Variants in CDH23 observed in about 807,000 individuals in gnomAD.
The protein encoded by CDH23 is cadherin-23.
CDH23 carries 189 observed loss-of-function variants against 317.1 expected under a neutral mutation model. The observed-to-expected ratio is 0.60, with a 90% CI of 0.53 to 0.67. The LOEUF is 0.67. Among genes scored for constraint, CDH23 ranks in the 30% least tolerant of loss-of-function variants. The probability of loss-of-function intolerance (pLI) is 0.00; values close to 1 mark genes in which losing one functional copy is unlikely to be tolerated. For synonymous variants in CDH23, 1,839 were observed against 1,876.8 expected (o/e 0.98, Z 0.52); for missense variants, 4,401 against 4,592.4 (o/e 0.96, Z 1.20).
chr10:71,582,343 C>A (rs922668560), intron 9 of CDH23, among the ~76,000 whole-genome samples: 2 of 151,968 alleles, frequency 1.3e-5, no homozygotes, highest in Non-Finnish European at 1.5e-5. Context: ...ATTTTGAAGA[C>A]CTAGTGTGCA....
At chr10:71,605,845 G>C (rs899510771) in intron 9 of CDH23, among the ~76,000 whole-genome samples, 12 of 152,124 alleles carry the variant, frequency 7.9e-5, no homozygotes, top group African/African-American at 2.9e-4. Flanking sequence ...TGCATTTATG[G>C]GCACATTCAT....
intron 9 of CDH23, among the ~76,000 whole-genome samples, chr10:71,604,413 G>A (rs963095620): frequency 1.4e-4 from 21 of 152,296 alleles, no homozygotes; most frequent in African/African-American, 4.6e-4. Flanking sequence ...GCCACGCAGC[G>A]GGCCCACAAG....
At chr10:71,665,068 G>C (rs1863830411) in intron 14 of CDH23, among the ~76,000 whole-genome samples, 2 of 152,132 alleles carry the variant, frequency 1.3e-5, no homozygotes, top group Admixed American at 6.5e-5. Context: ...TATTTGTTAA[G>C]GGCTTCCTGT....
chr10:71,752,840 C>A, intron 38 of CDH23: 1 of 1,083,354 alleles, frequency 9.2e-7, no homozygotes, highest in Non-Finnish European at 1.3e-6. Flanking sequence ...GATGTGCAGG[C>A]TTCAGCAGCA....
chr10:71,742,178 C>G (rs1414055529), intron 38 of CDH23: 43 of 543,082 alleles, frequency 7.9e-5, no homozygotes, highest in Middle Eastern at 9.5e-4. Context: ...CCTCTTTTCT[C>G]TCACAGAGCA....
chr10:71,423,219 T>C (rs1052527095), intron 1 of CDH23, among the ~76,000 whole-genome samples: 1 of 152,046 alleles, frequency 6.6e-6, no homozygotes, highest in African/African-American at 2.4e-5. Context: ...CGGGGACATC[T>C]GTTTGTCAGA....
In CDH23 at chr10:71,759,886, TATACACACACAC is replaced by T. The variant is rs369554648; in HGVS notation, c.4846-17790_4846-17779del. 2.2e-3 allele frequency among the ~76,000 whole-genome samples: 129 copies of T among 58,608 alleles called. 2 individuals are homozygous for T. Among genetic ancestry groups the T allele is most frequent in the East Asian group, 3.2e-3 (7 of 2,188 alleles). 38.4% of individuals were successfully genotyped at this position (58,608 alleles called of 152,430 possible). A position where few individuals can be genotyped will look rare whatever the true frequency, so the allele number is the denominator to read the frequency against. Reference sequence around the variant, plus strand: ...ACACATATATATACACACACACACATATACACACACACATATATACACACACACATATATACA... The same window carrying T: ...ACACATATATATACACACACACACATATATATACACACACACATATATACA... On this transcript the variant is annotated intron_variant, in intron 38 of 69. Transcript: ENST00000224721.
chr10:71,755,409 G>C, intron 38 of CDH23: 2 of 1,613,534 alleles, frequency 1.2e-6, no homozygotes, highest in East Asian at 4.5e-5. Context: ...CAGGATGAGG[G>C]GGAGGCAGAG....
Position 71,724,043 on chromosome 10 carries a change from A to G in CDH23, c.3370-2A>G. Reference sequence around the variant, plus strand: ...AGTAACTCGTGTCTCATTCTTCCTCAGCTGAAAGCCACGGACGCAGATGAG... The same window carrying G: ...AGTAACTCGTGTCTCATTCTTCCTCGGCTGAAAGCCACGGACGCAGATGAG... On this transcript the variant is annotated splice_acceptor_variant, in intron 28 of 69. Transcript: ENST00000224721. LOFTEE classifies it high-confidence loss of function. 1.9e-6 allele frequency: 3 copies of G among 1,557,760 alleles called. No individual in the cohort carries two copies. Among genetic ancestry groups the G allele is most frequent in the Non-Finnish European group, 2.6e-6 (3 of 1,150,328 alleles).
chr10:71,590,125 C>G (rs964245872), intron 9 of CDH23, among the ~76,000 whole-genome samples: 5 of 152,246 alleles, frequency 3.3e-5, no homozygotes, highest in African/African-American at 1.2e-4. Context: ...CTTGGCTAAA[C>G]TTCCTGTGCT....
chr10:71,680,988 A>G (rs1292085449), intron 17 of CDH23, among the ~76,000 whole-genome samples: 2 of 150,604 alleles, frequency 1.3e-5, no homozygotes, highest in Non-Finnish European at 3.0e-5. Context: ...CACCACGCCC[A>G]GCTAATTTTT....
intron 4 of CDH23, among the ~76,000 whole-genome samples, 179 bp downstream of exon 4, chr10:71,510,403 G>C (rs865833480): frequency 6.6e-6 from 1 of 152,106 alleles, no homozygotes; most frequent in African/African-American, 2.4e-5. Flanking sequence ...TCTGGACTTA[G>C]GGTTGGAATG....
At chr10:71,773,500 G>T in intron 38 of CDH23, 2 of 1,504,096 alleles carry the variant, frequency 1.3e-6, no homozygotes. Flanking sequence ...CGCGGCCGGC[G>T]CGGGGAAGCC....
At chr10:71,738,401 T>G (rs1296972377) in intron 34 of CDH23, 97 bp from the exon 35 acceptor site, 2 of 1,422,126 alleles carry the variant, frequency 1.4e-6, no homozygotes, top group Non-Finnish European at 9.9e-7. Flanking sequence ...CAGAACCCAC[T>G]GGGGATCTGG....
At position 71,807,551 on chromosome 10, in the gene CDH23, G is replaced by C. The variant is rs202147495; in HGVS notation, c.8344G>C (p.Asp2782His). The C allele has an allele frequency of 2.5e-6, 4 of 1,613,942 alleles. No individual in the cohort carries two copies. Among genetic ancestry groups the C allele is most frequent in the Non-Finnish European group, 3.4e-6 (4 of 1,179,886 alleles). ...AGAGAAGAACTTCCATCTGCAGCCCGATGGGTGTCTGCTGGTGCTGCGGGA... is the reference window on the plus strand; with the variant it reads ...AGAGAAGAACTTCCATCTGCAGCCCCATGGGTGTCTGCTGGTGCTGCGGGA... The part of the protein sequence containing the change: ...NEEKNFHLQP[D>H]GCLLVLRDLD... Residue 2782 changes from aspartate to histidine, a missense_variant, in exon 59 of 70, where the codon GAT (aspartate) becomes CAT (histidine). Around this residue, in one of 3 missense-constraint regions of CDH23, gnomAD observed 1,144 missense variants for 1,138.2 expected, o/e 1.01. Transcript: ENST00000224721.
At chr10:71,750,797 G>A (rs1029465633) in intron 38 of CDH23, 20 of 156,562 alleles carry the variant, frequency 1.3e-4, no homozygotes, top group Non-Finnish European at 2.1e-4. Flanking sequence ...GAGCAGCCTC[G>A]GGCAAAACGG....
chr10:71,792,563 G>A (rs1317335151), intron 47 of CDH23, among the ~76,000 whole-genome samples: 5 of 151,770 alleles, frequency 3.3e-5, no homozygotes, highest in Admixed American at 1.3e-4. Context: ...GGTGGCTCAC[G>A]CCTGTAATCC....
In CDH23 at chr10:71,777,778, C is replaced by CA. The variant is rs768164426; in HGVS notation, c.4945dup (p.Thr1649AsnfsTer16). ...AGGTGCTGCTGGATGAGGGCCCAGA[C>CA]ACGCTCAACACCAGCCTCATCACCA... On this transcript the variant is annotated frameshift_variant, in exon 39 of 70. Transcript: ENST00000224721. LOFTEE classifies it high-confidence loss of function. The CA allele has an allele frequency of 6.2e-7, 1 of 1,613,924 alleles. No individual in the cohort carries two copies. Among genetic ancestry groups the CA allele is most frequent in the Non-Finnish European group, 8.5e-7 (1 of 1,179,866 alleles).
chr10:71,739,437 T>G (rs79728687), intron 35 of CDH23, among the ~76,000 whole-genome samples: 1 of 152,146 alleles, frequency 6.6e-6, no homozygotes, highest in East Asian at 1.9e-4. Context: ...GCCCCGGAAC[T>G]TTCCATGGGT....
Sources: gnomAD v4.1 joint callset for allele counts (sites outside exome capture counted in the v4.1 genomes callset) on GRCh38, gnomAD v4.1.1 for gene constraint, gnomAD v4.1.1 regional missense constraint, MANE v1.5 for transcripts, NCBI Gene and HGNC (gene_info 2026-07-23, HGNC 2026-07-21) for gene names.